The following SLC24A2 variants were observed in gnomAD, a reference collection of about 807,000 sequenced individuals.
The protein encoded by SLC24A2 is sodium/potassium/calcium exchanger 2.
Under a neutral mutation model 62.0 loss-of-function variants are expected in SLC24A2, and 36 were observed. The observed-to-expected ratio is 0.58, with a 90% CI of 0.44 to 0.77. The LOEUF (loss-of-function observed/expected upper bound fraction) is 0.77. SLC24A2 is among the 30% of genes least tolerant of loss of function. The pLI is 0.00. For missense variants in SLC24A2, 846 were observed against 817.9 expected (o/e 1.03, Z -0.42); for synonymous variants, 358 against 294.0 (o/e 1.22, Z -2.23).
chr9:20,233,091 C>T, the SLC24A2 span, among the ~76,000 whole-genome samples: 366 of 152,144 alleles, frequency 2.4e-3, 3 homozygotes, highest in African/African-American at 8.5e-3. Context: ...GTCTGAGAGA[C>T]AGTTTGTTAT....
the SLC24A2 span, among the ~76,000 whole-genome samples, chr9:20,051,514 G>C: frequency 6.6e-6 from 1 of 151,900 alleles, no homozygotes; most frequent in African/African-American, 2.4e-5. Context: ...ACAGAGAACA[G>C]TACTGCCAAG....
At chr9:19,546,918 G>T (rs1586934117) in intron 8 of SLC24A2, among the ~76,000 whole-genome samples, 1 of 152,258 alleles carries the variant, frequency 6.6e-6, no homozygotes, top group South Asian at 2.1e-4. Context: ...GTCCCTCACA[G>T]CTTCCCTTGG....
At chr9:19,837,181 G>A in the SLC24A2 span, among the ~76,000 whole-genome samples, 10 of 151,926 alleles carry the variant, frequency 6.6e-5, no homozygotes, top group East Asian at 3.9e-4. Flanking sequence ...GGCCGGGTGC[G>A]GTGGCTCACG....
chr9:20,237,052 A>G, the SLC24A2 span, among the ~76,000 whole-genome samples: 67,377 of 151,770 alleles, frequency 0.44, 16,678 homozygotes, highest in East Asian at 0.73. Flanking sequence ...CTGAATCGCA[A>G]ACACCAGAGA....
chr9:19,889,698 T>A, the SLC24A2 span, among the ~76,000 whole-genome samples: 1 of 152,212 alleles, frequency 6.6e-6, no homozygotes, highest in Non-Finnish European at 1.5e-5. Context: ...GAATCATGAA[T>A]TGATGGCCCT....
At chr9:19,757,267 G>A (rs1047094598) in intron 2 of SLC24A2, among the ~76,000 whole-genome samples, 2 of 151,950 alleles carry the variant, frequency 1.3e-5, no homozygotes, top group Non-Finnish European at 2.9e-5. Context: ...TTAACATACT[G>A]TATGTTTAAT....
chr9:20,256,947 C>CAA, the SLC24A2 span, among the ~76,000 whole-genome samples: 2 of 150,580 alleles, frequency 1.3e-5, no homozygotes, highest in East Asian at 3.9e-4. Flanking sequence ...CACACACACA[C>CAA]ACTTGCCTAA....
the SLC24A2 span, among the ~76,000 whole-genome samples, chr9:19,871,769 A>G: frequency 2.0e-5 from 3 of 152,302 alleles, no homozygotes; most frequent in East Asian, 5.8e-4. Context: ...TTGGAATAAC[A>G]ATAGTTTTTC....
chr9:20,162,569 C>G, the SLC24A2 span, among the ~76,000 whole-genome samples: 1 of 151,996 alleles, frequency 6.6e-6, no homozygotes, highest in Admixed American at 6.6e-5. Flanking sequence ...GAACTGGTAC[C>G]ATTCCTTCTG....
chr9:19,573,277 A>C, intron 7 of SLC24A2, 74 bp downstream of exon 7: 1 of 994,680 alleles, frequency 1.0e-6, no homozygotes, highest in Non-Finnish European at 1.6e-6. Context: ...CAAGGAGAAT[A>C]TAGGGTCTGT....
the SLC24A2 span, among the ~76,000 whole-genome samples, chr9:19,898,678 C>G: frequency 2.8e-5 from 4 of 144,338 alleles, no homozygotes; most frequent in East Asian, 6.3e-4. Flanking sequence ...GGAGGTGGAG[C>G]TTGCCGTGAG....
At chr9:19,532,376 G>A (rs1045893038) in intron 8 of SLC24A2, among the ~76,000 whole-genome samples, 1 of 152,170 alleles carries the variant, frequency 6.6e-6, no homozygotes, top group Admixed American at 6.5e-5. Context: ...GACTACAGGT[G>A]TGAGATACCT....
chr9:20,021,905 T>G, the SLC24A2 span, among the ~76,000 whole-genome samples: 1 of 152,214 alleles, frequency 6.6e-6, no homozygotes. Flanking sequence ...CTGCTGACTC[T>G]GCCTCTGTTG....
At position 19,658,500 on chromosome 9, in the gene SLC24A2, C is replaced by T. The variant is rs957939021; in HGVS notation, c.931-36201G>A. On this transcript the variant is annotated intron_variant, in intron 2 of 10. Coordinates refer to ENST00000341998, the MANE Select transcript of SLC24A2 (RefSeq NM_020344.4). Reference sequence around the variant, plus strand: ...ATTTATTATTACTATGTCCTGAGCACCAAGTTAAAAAGCCTATGAGGCAGG... The same window carrying T: ...ATTTATTATTACTATGTCCTGAGCATCAAGTTAAAAAGCCTATGAGGCAGG... Among the ~76,000 whole-genome samples the T allele has an allele frequency of 6.6e-5, 10 of 152,130 alleles. No individual in the cohort carries two copies. In the South Asian group the frequency reaches 8.3e-4, roughly 13 times the overall value.
chr9:19,756,614 G>C (rs1822146562), intron 2 of SLC24A2, among the ~76,000 whole-genome samples: 1 of 152,148 alleles, frequency 6.6e-6, no homozygotes, highest in Non-Finnish European at 1.5e-5. Flanking sequence ...TGCTTGGGCA[G>C]TCATGTAATT....
At chr9:20,133,232 A>T in the SLC24A2 span, among the ~76,000 whole-genome samples, 1 of 152,118 alleles carries the variant, frequency 6.6e-6, no homozygotes, top group African/African-American at 2.4e-5. Flanking sequence ...ATGCATGCAC[A>T]TGTATGTATA....
the SLC24A2 span, among the ~76,000 whole-genome samples, chr9:19,826,721 C>T: frequency 6.6e-6 from 1 of 152,190 alleles, no homozygotes; most frequent in South Asian, 2.1e-4. Context: ...GGGTAGAGCC[C>T]TCATGGGCCA....
At chr9:19,937,995 A>G in the SLC24A2 span, among the ~76,000 whole-genome samples, 1 of 152,346 alleles carries the variant, frequency 6.6e-6, no homozygotes, top group East Asian at 1.9e-4. Flanking sequence ...AGAACAGTAT[A>G]AAAACAGTAC....
intron 4 of SLC24A2, among the ~76,000 whole-genome samples, chr9:19,608,551 G>T (rs1837054359): frequency 6.6e-6 from 1 of 152,138 alleles, no homozygotes; most frequent in African/African-American, 2.4e-5. Context: ...TCAGACTTGG[G>T]AGCTGGGTGA....
Sources: gnomAD v4.1 joint callset for allele counts (sites outside exome capture counted in the v4.1 genomes callset) on GRCh38, gnomAD v4.1.1 for gene constraint, MANE v1.5 for transcripts, NCBI Gene and HGNC (gene_info 2026-07-23, HGNC 2026-07-21) for gene names.